SLC5A12: variants seen among roughly 807,000 people sequenced by gnomAD.
The protein encoded by SLC5A12 is sodium-coupled monocarboxylate transporter 2.
A neutral mutation model predicts 72.7 loss-of-function variants in SLC5A12; 46 were observed. That is an observed-to-expected ratio of 0.63 (90% confidence interval 0.50 to 0.81). SLC5A12 has a LOEUF of 0.81. SLC5A12 is among the 30% of genes least tolerant of loss of function. The pLI, the probability that SLC5A12 is intolerant of heterozygous loss-of-function variation, is 0.00. For missense variants in SLC5A12, 683 were observed against 740.7 expected, an observed-to-expected ratio of 0.92 and a Z score of 0.90; for synonymous variants, 275 against 264.4, an observed-to-expected ratio of 1.04 and a Z score of -0.39.
At chr11:26,703,005 T>C (rs557375869) in intron 6 of SLC5A12, among the ~76,000 whole-genome samples, 1 of 152,228 alleles carries the variant, frequency 6.6e-6, no homozygotes, top group Non-Finnish European at 1.5e-5. Flanking sequence ...TTTGCTTCCA[T>C]GTCTAATCTA....
intron 9 of SLC5A12, among the ~76,000 whole-genome samples, chr11:26,689,822 A>G (rs10742155): frequency 0.99 from 151,084 of 152,264 alleles, 74,974 homozygotes; most frequent in East Asian, 1. Flanking sequence ...CAACTGGATG[A>G]ATACATGAAA....
chr11:26,698,403 T>C lies in SLC5A12; in HGVS notation c.951+3A>G. 6.2e-7 allele frequency: 1 copy of C among 1,613,464 alleles called. No homozygotes were observed. The highest frequency in any genetic ancestry group is 8.5e-7 in the Non-Finnish European group (1 of 1,179,714). On this transcript the variant is annotated splice_donor_region_variant and intron_variant, in intron 7 of 14. Transcript: ENST00000396005. The stretch of plus-strand genomic sequence containing the variant: ...TCGCCACTGTCCTCAAGAAAACCCA[T>C]ACCTGGTCTGGTGCTGAGATGATGC...
rs1282672363 is a variant in SLC5A12, at chr11:26,669,010, A to G, written c.*2092T>C. 2 of 151,938 alleles carry G rather than the reference A, an allele frequency of 1.3e-5. No homozygotes were observed. The highest frequency in any genetic ancestry group is 2.9e-5 in the Non-Finnish European group (2 of 67,966). The allele number at this position is 151,938 out of a possible 1,614,324, so 9.4% of individuals were successfully genotyped here. ...TTTGCTTTTATGCTATCCCAAGTGGAAGTTCACAATCCTGATGTATTCCAA... is the reference window on the plus strand; with the variant it reads ...TTTGCTTTTATGCTATCCCAAGTGGGAGTTCACAATCCTGATGTATTCCAA... On this transcript the variant is annotated 3_prime_UTR_variant, in exon 15 of 15. Coordinates refer to ENST00000396005, the MANE Select transcript of SLC5A12 (RefSeq NM_178498.4).
intron 9 of SLC5A12, among the ~76,000 whole-genome samples, chr11:26,690,581 C>T (rs1011833207): frequency 6.7e-6 from 1 of 148,242 alleles, no homozygotes. Context: ...GAGGCCAAGG[C>T]CGGGGGATCA....
chr11:26,672,871 T>C (rs1463491391), intron 14 of SLC5A12, among the ~76,000 whole-genome samples: 2 of 152,162 alleles, frequency 1.3e-5, no homozygotes, highest in African/African-American at 4.8e-5. Flanking sequence ...ATTCCCACCA[T>C]GACCTTGCTT....
intron 6 of SLC5A12, among the ~76,000 whole-genome samples, chr11:26,700,343 T>A (rs1348784113): frequency 1.3e-5 from 2 of 152,160 alleles, no homozygotes; most frequent in African/African-American, 2.4e-5. Context: ...CTAATTCTTC[T>A]GTTTGTAAAA....
intron 10 of SLC5A12, among the ~76,000 whole-genome samples, chr11:26,684,478 G>T (rs544450712): frequency 6.6e-6 from 1 of 152,208 alleles, no homozygotes; most frequent in Non-Finnish European, 1.5e-5. Flanking sequence ...TCTTCCCTGT[G>T]GGAAAAATAT....
In SLC5A12 at chr11:26,671,061, G is replaced by GTGTGTGTGTGTGTA; in HGVS notation, c.*40_*41insTACACACACACACA. 6.4e-7 allele frequency: 1 copy of GTGTGTGTGTGTGTA among 1,556,328 alleles called. No individual in the cohort carries two copies. The highest frequency in any genetic ancestry group is 1.8e-5 in the Admixed American group (1 of 56,412). On this transcript the variant is annotated 3_prime_UTR_variant, in exon 15 of 15. Transcript: ENST00000396005. ...GTATGTGGAGTTTGTGTGTGTGTGT[G>GTGTGTGTGTGTGTA]TGTATTGCACGTGTGTGTGTGCATT...
chr11:26,690,385 GA>G (rs1363975006), intron 9 of SLC5A12, among the ~76,000 whole-genome samples: 6 of 151,694 alleles, frequency 4.0e-5, no homozygotes, highest in African/African-American at 1.5e-4. Flanking sequence ...TGTAATTAAA[GA>G]AAATAAGTAT....
intron 11 of SLC5A12, among the ~76,000 whole-genome samples, chr11:26,683,423 T>C (rs966228167): frequency 1.2e-4 from 19 of 152,288 alleles, no homozygotes; most frequent in African/African-American, 4.3e-4. Flanking sequence ...TTTTCAAAAT[T>C]GTGTTTCAAC....
chr11:26,702,860 A>G (rs528804347), intron 6 of SLC5A12, among the ~76,000 whole-genome samples: 1 of 152,334 alleles, frequency 6.6e-6, no homozygotes, highest in East Asian at 1.9e-4. Flanking sequence ...GCCTATATCA[A>G]AGAAAAAAAT....
chr11:26,719,900 A>C (rs936767456), intron 1 of SLC5A12, among the ~76,000 whole-genome samples: 2 of 152,128 alleles, frequency 1.3e-5, no homozygotes, highest in African/African-American at 4.8e-5. Flanking sequence ...TGGTTTGAAA[A>C]ACTGTTACTT....
intron 8 of SLC5A12, among the ~76,000 whole-genome samples, chr11:26,694,890 A>G (rs1287078877): frequency 1.3e-5 from 2 of 152,100 alleles, no homozygotes; most frequent in African/African-American, 4.8e-5. Context: ...ACCAAAAGTC[A>G]ATATCTTATT....
chr11:26,703,813 T>C lies in SLC5A12; in HGVS notation c.660A>G (p.Gly220=). ...CATACTCAAATATATGTAGTCGAGA[T>C]CCATTTGTTGATTGCTCTAATACAT... ...FHNVLEQSTN[G]SRLHIFDFDV... The change falls in exon 5 of 15, where the codon GGA becomes GGG. Residue 220 remains glycine, a synonymous_variant. Coordinates refer to ENST00000396005, the MANE Select transcript of SLC5A12 (RefSeq NM_178498.4). 6.2e-7 allele frequency: 1 copy of C among 1,613,930 alleles called. No individual in the cohort carries two copies. Among genetic ancestry groups the C allele is most frequent in the Non-Finnish European group, 8.5e-7 (1 of 1,179,854 alleles).
intron 1 of SLC5A12, among the ~76,000 whole-genome samples, chr11:26,719,442 A>C (rs1487933033): frequency 1.3e-5 from 2 of 152,104 alleles, no homozygotes; most frequent in Non-Finnish European, 2.9e-5. Context: ...TGACAACCAA[A>C]TATCCTACAA....
chr11:26,679,394 A>G (rs147301578), intron 12 of SLC5A12, among the ~76,000 whole-genome samples: 2 of 152,176 alleles, frequency 1.3e-5, no homozygotes, highest in African/African-American at 4.8e-5. Flanking sequence ...TACAGTAAGT[A>G]TAGGCAGGAG....
chr11:26,711,470 A>C, intron 2 of SLC5A12, 112 bp from the exon 3 acceptor site: 1 of 808,368 alleles, frequency 1.2e-6, no homozygotes, highest in Non-Finnish European at 2.1e-6. Flanking sequence ...CTTGTTCATG[A>C]AACATTGCAT....
intron 11 of SLC5A12, among the ~76,000 whole-genome samples, chr11:26,682,120 C>T (rs1345734898): frequency 1.3e-5 from 2 of 151,734 alleles, no homozygotes; most frequent in East Asian, 3.9e-4. Flanking sequence ...TCTCTTATGG[C>T]ATGTAAGCAA....
At chr11:26,716,857 C>T (rs984815092) in intron 1 of SLC5A12, among the ~76,000 whole-genome samples, 8 of 152,108 alleles carry the variant, frequency 5.3e-5, no homozygotes, top group Non-Finnish European at 1.2e-4. Flanking sequence ...AGTAAAAGCC[C>T]TAAAATTATT....
Sources: gnomAD v4.1 joint callset for allele counts (sites outside exome capture counted in the v4.1 genomes callset) on GRCh38, gnomAD v4.1.1 for gene constraint, MANE v1.5 for transcripts, NCBI Gene and HGNC (gene_info 2026-07-23, HGNC 2026-07-21) for gene names.